The following TTLL7 variants were observed in gnomAD, a reference collection of about 807,000 sequenced individuals.
TTLL7 encodes tubulin polyglutamylase TTLL7.
A neutral mutation model predicts 120.2 loss-of-function variants in TTLL7; 53 were observed. That is an observed-to-expected ratio of 0.44 (90% CI 0.35 to 0.55). The LOEUF (loss-of-function observed/expected upper bound fraction) is 0.55. Ranked by LOEUF, TTLL7 falls within the 20% of genes least tolerant of loss-of-function variation. The probability of loss-of-function intolerance (pLI) is 0.00; values close to 1 mark genes in which losing one functional copy is unlikely to be tolerated. For synonymous variants in TTLL7, 353 were observed against 351.7 expected, an observed-to-expected ratio of 1.00 and a Z score of -0.04; for missense variants, 803 against 1,054.7, an observed-to-expected ratio of 0.76 and a Z score of 3.31.
Position 83,890,406 on chromosome 1 carries a change from T to G in TTLL7, c.2284A>C (p.Asn762His), listed in dbSNP as rs199773696. Reference protein sequence around the residue: ...IWKVPDVEEVNLYRIFNRVFN... With the variant: ...IWKVPDVEEVHLYRIFNRVFN... ...ACCCGGTTGAAAATCCGATATAAATTTACTTCTTCAACATCAGGCACCTTC... is the reference window on the plus strand; with the variant it reads ...ACCCGGTTGAAAATCCGATATAAATGTACTTCTTCAACATCAGGCACCTTC... Residue 762 changes from asparagine (N) to histidine (H), a missense_variant, in exon 19 of 21, where the codon AAT becomes CAT. Transcript: ENST00000260505. 51 of 1,613,336 alleles carry G rather than the reference T, an allele frequency of 3.2e-5. No individual in the cohort carries two copies. The East Asian group carries it at 1.1e-3, about 36-fold the overall frequency.
intron 20 of TTLL7, among the ~76,000 whole-genome samples, chr1:83,880,520 A>T (rs1654349737): frequency 1.3e-5 from 2 of 152,120 alleles, no homozygotes; most frequent in South Asian, 4.1e-4. Flanking sequence ...ATCAATTTCT[A>T]GGTGTTTTTA....
At chr1:83,893,490 T>C (rs891767267) in intron 18 of TTLL7, among the ~76,000 whole-genome samples, 4 of 151,994 alleles carry the variant, frequency 2.6e-5, no homozygotes, top group Admixed American at 2.0e-4. Flanking sequence ...CAACTGCCTA[T>C]ACAAATGAAA....
At position 83,990,321 on chromosome 1, in the gene TTLL7, G is replaced by A. The variant is rs1205658903; in HGVS notation, c.-177+8610C>T. Among the ~76,000 whole-genome samples, 17 of 151,984 alleles carry A rather than the reference G, an allele frequency of 1.1e-4. No individual in the cohort carries two copies. The South Asian group carries it at 1.2e-3, about 11-fold the overall frequency. On this transcript the variant is annotated intron_variant, in intron 1 of 20. Transcript: ENST00000260505. ...CTCCTGAGTAGCTGGGACTACAGGCGCCCGCCACTGCGCCCGGCTAATTTT... is the reference window on the plus strand; with the variant it reads ...CTCCTGAGTAGCTGGGACTACAGGCACCCGCCACTGCGCCCGGCTAATTTT...
chr1:83,960,309 G>T (rs1369510327), intron 1 of TTLL7, among the ~76,000 whole-genome samples: 1 of 152,140 alleles, frequency 6.6e-6, no homozygotes, highest in African/African-American at 2.4e-5. Flanking sequence ...GGCAGTTATT[G>T]TGGGGGCAGT....
intron 3 of TTLL7, among the ~76,000 whole-genome samples, chr1:83,950,814 G>A (rs1010843332): frequency 3.3e-5 from 5 of 152,148 alleles, no homozygotes; most frequent in Non-Finnish European, 7.3e-5. Flanking sequence ...AGACCACCAT[G>A]CAGCTTTGGC....
chr1:83,935,282 C>A (rs181750061), intron 8 of TTLL7, among the ~76,000 whole-genome samples: 1 of 152,106 alleles, frequency 6.6e-6, no homozygotes, highest in Non-Finnish European at 1.5e-5. Context: ...TGGAACAGTA[C>A]GGGCTGAGAG....
chr1:83,953,302 C>A (rs1421881382), intron 1 of TTLL7, among the ~76,000 whole-genome samples: 1 of 152,072 alleles, frequency 6.6e-6, no homozygotes, highest in Admixed American at 6.5e-5. Context: ...TTGTAAGAAT[C>A]CTTCAGTTCT....
At chr1:83,929,806 A>C (rs1659443652) in intron 9 of TTLL7, among the ~76,000 whole-genome samples, 1 of 152,290 alleles carries the variant, frequency 6.6e-6, no homozygotes, top group East Asian at 1.9e-4. Context: ...TAACTGGAAT[A>C]GCTGATGTTT....
intron 9 of TTLL7, among the ~76,000 whole-genome samples, chr1:83,931,001 TG>T (rs1659553969): frequency 6.6e-6 from 1 of 150,664 alleles, no homozygotes; most frequent in Non-Finnish European, 1.5e-5. Context: ...GGGTTGTTCT[TG>T]TTTTTTTTTT....
chr1:83,980,998 A>G (rs1207931941), intron 1 of TTLL7: 1 of 152,084 alleles, frequency 6.6e-6, no homozygotes, highest in Non-Finnish European at 1.5e-5. Context: ...GCCAACCACT[A>G]AGAAAACTAT....
intron 1 of TTLL7, among the ~76,000 whole-genome samples, chr1:83,974,064 T>C (rs1207235519): frequency 6.6e-6 from 1 of 152,016 alleles, no homozygotes; most frequent in African/African-American, 2.4e-5. Flanking sequence ...CATTTACATT[T>C]AAGAGCATAG....
In TTLL7 at chr1:83,921,261, G is replaced by T; in HGVS notation, c.1276C>A (p.Arg426=). Residue 426 remains arginine, a synonymous_variant, in exon 11 of 21, where the codon CGG becomes AGG. Coordinates refer to ENST00000260505, the MANE Select transcript of TTLL7 (RefSeq NM_024686.6). ...WEQQRHQLER[R]KEELKERLAQ... ...AACTTTCATACCAACTCTTCTTTCCGCCTCTCCAACTGGTGTCTCTGCTGT... is the reference window on the plus strand; with the variant it reads ...AACTTTCATACCAACTCTTCTTTCCTCCTCTCCAACTGGTGTCTCTGCTGT... The T allele has an allele frequency of 8.1e-6, 13 of 1,612,304 alleles. No individual in the cohort carries two copies. Among genetic ancestry groups the T allele is most frequent in the Non-Finnish European group, 1.0e-5 (12 of 1,179,482 alleles).
At chr1:83,915,062 A>G (rs1288235887) in intron 14 of TTLL7, among the ~76,000 whole-genome samples, 1 of 152,210 alleles carries the variant, frequency 6.6e-6, no homozygotes, top group Non-Finnish European at 1.5e-5. Flanking sequence ...GTCTAAGCCT[A>G]ACTGGGGAAA....
chr1:83,954,476 C>T (rs1038677392), intron 1 of TTLL7, among the ~76,000 whole-genome samples: 1 of 152,164 alleles, frequency 6.6e-6, no homozygotes, highest in Non-Finnish European at 1.5e-5. Flanking sequence ...TTTATCCCAC[C>T]ACTCATTTGA....
At chr1:83,952,110 T>C (rs1302954825) in intron 2 of TTLL7, 77 bp downstream of exon 2, 2 of 1,537,464 alleles carry the variant, frequency 1.3e-6, no homozygotes, top group East Asian at 4.6e-5. Context: ...AATTAATTTT[T>C]AATACTTTAA....
At chr1:83,996,883 C>A (rs1033082147) in intron 1 of TTLL7, among the ~76,000 whole-genome samples, 8 of 150,316 alleles carry the variant, frequency 5.3e-5, no homozygotes, top group Non-Finnish European at 3.0e-5. Context: ...TTTTTTTTAA[C>A]AGCAGTGGTA....
rs374752287 is a variant in TTLL7, at chr1:83,965,101, TC to T, written c.-176-12715del. 5.1e-3 allele frequency among the ~76,000 whole-genome samples: 459 copies of T among 90,742 alleles called. 2 individuals carry two copies. The highest frequency in any genetic ancestry group is 0.018 in the African/African-American group (425 of 23,014). 59.5% of individuals were successfully genotyped at this position (90,742 alleles called of 152,430 possible). ...TATTCTGAAAGAGGTCATCAATCTC[TC>T]CCCAGTCAATCTATTTTTTTTTAAA... On this transcript the variant is annotated intron_variant, in intron 1 of 20. Coordinates refer to ENST00000260505, the MANE Select transcript of TTLL7 (RefSeq NM_024686.6).
chr1:83,896,436 C>T (rs1163474623), intron 18 of TTLL7, among the ~76,000 whole-genome samples: 1 of 152,044 alleles, frequency 6.6e-6, no homozygotes, highest in Non-Finnish European at 1.5e-5. Flanking sequence ...TGACAAACTG[C>T]TCCATATGGC....
chr1:83,907,932 A>G (rs1657344489), intron 15 of TTLL7, among the ~76,000 whole-genome samples: 1 of 152,122 alleles, frequency 6.6e-6, no homozygotes, highest in Non-Finnish European at 1.5e-5. Context: ...TGAAAACATG[A>G]GCTAAGAGAA....
Sources: allele counts gnomAD v4.1 joint callset (sites outside exome capture counted in the v4.1 genomes callset), GRCh38; gene constraint gnomAD v4.1.1; transcripts MANE v1.5; gene names NCBI Gene and HGNC (gene_info 2026-07-23, HGNC 2026-07-21).